ZC3H7B: variants seen among roughly 807,000 people sequenced by gnomAD.
ZC3H7B encodes the protein zinc finger CCCH-type containing 7B, also known as zinc finger CCCH domain-containing protein 7B.
ZC3H7B carries 35 observed loss-of-function variants against 116.0 expected under a neutral mutation model. The observed-to-expected ratio is 0.30, with a 90% CI of 0.23 to 0.40. The LOEUF (loss-of-function observed/expected upper bound fraction) is 0.40, where lower values mean the gene tolerates loss of function less well. Among genes scored for constraint, ZC3H7B ranks in the 10% least tolerant of loss-of-function variants. The pLI is 1.00. For synonymous variants in ZC3H7B, 502 were observed against 545.6 expected (o/e 0.92, Z 1.11); for missense variants, 1,011 against 1,321.5 (o/e 0.77, Z 3.64).
chr22:41,332,288 T>A, intron 7 of ZC3H7B, 61 bp downstream of exon 7: 1 of 1,598,414 alleles, frequency 6.3e-7, no homozygotes, highest in South Asian at 1.1e-5. Context: ...TTGGATTCAC[T>A]CTCTCCGGGT....
chr22:41,336,892 TTGGGC>T (rs1172241934), intron 7 of ZC3H7B: 3 of 150,720 alleles, frequency 2.0e-5, no homozygotes, highest in African/African-American at 7.3e-5. Context: ...TCCCAGCACT[TTGGGC>T]GGTTGAGGGA....
At chr22:41,309,007 G>GTTTTTTTTTTT (rs1446352722) in intron 1 of ZC3H7B, among the ~76,000 whole-genome samples, 1 of 93,830 alleles carries the variant, frequency 1.1e-5, no homozygotes, top group African/African-American at 3.3e-5. Context: ...CTCCCAGTCT[G>GTTTTTTTTTTT]CTTTTTTTTT....
At chr22:41,331,189 C>T (rs1243677075) in intron 6 of ZC3H7B, among the ~76,000 whole-genome samples, 3 of 145,462 alleles carry the variant, frequency 2.1e-5, no homozygotes, top group Non-Finnish European at 4.5e-5. Context: ...GCGGAGGTTG[C>T]GGTGAGCCAA....
chr22:41,341,469 C>T (rs2036521724), intron 11 of ZC3H7B, among the ~76,000 whole-genome samples: 1 of 152,188 alleles, frequency 6.6e-6, no homozygotes, highest in Non-Finnish European at 1.5e-5. Flanking sequence ...CTGGGCCGGG[C>T]GCGGTGGCTC....
chr22:41,348,006 C>A, intron 14 of ZC3H7B, 61 bp from the exon 15 acceptor site: 32 of 1,447,912 alleles, frequency 2.2e-5, no homozygotes, highest in Non-Finnish European at 3.0e-5. Context: ...TGTGTGGGGT[C>A]CCAGCTCACC....
intron 17 of ZC3H7B, among the ~76,000 whole-genome samples, chr22:41,352,483 C>T (rs753769317): frequency 4.6e-5 from 7 of 152,166 alleles, no homozygotes; most frequent in Non-Finnish European, 8.8e-5. Flanking sequence ...TTCAGAGGCC[C>T]GGCGCAGTGG....
intron 6 of ZC3H7B, among the ~76,000 whole-genome samples, chr22:41,331,798 G>C (rs527315242): frequency 1.3e-5 from 2 of 152,152 alleles, no homozygotes; most frequent in Non-Finnish European, 2.9e-5. Flanking sequence ...ATGAACCCCA[G>C]AGGTCAAGGC....
chr22:41,311,913 A>G (rs909015779), intron 1 of ZC3H7B, among the ~76,000 whole-genome samples: 2 of 152,148 alleles, frequency 1.3e-5, no homozygotes, highest in African/African-American at 4.8e-5. Context: ...CAATAGCTGC[A>G]TTGTATTCCA....
Position 41,338,700 on chromosome 22 carries a change from C to T in ZC3H7B, c.626-301C>T, listed in dbSNP as rs1321330881. Reference sequence around the variant, plus strand: ...AAAAGGTTGCCTTTTAAGAGTGTCCCCTGGAGAGGGCATTGCTTACCCCAG... The same window carrying T: ...AAAAGGTTGCCTTTTAAGAGTGTCCTCTGGAGAGGGCATTGCTTACCCCAG... On this transcript the variant is annotated intron_variant, in intron 8 of 22. Coordinates refer to ENST00000352645, the MANE Select transcript of ZC3H7B (RefSeq NM_017590.6). This position sits in a 1 kb window ranked among gnomAD's most constrained non-coding sequence, Gnocchi z 4.5. Among the ~76,000 whole-genome samples, 2 of 152,124 alleles carry T rather than the reference C, an allele frequency of 1.3e-5. No individual in the cohort carries two copies. The highest frequency in any genetic ancestry group is 1.3e-4 in the Admixed American group (2 of 15,280).
At chr22:41,313,073 T>TA (rs2145900945) in intron 1 of ZC3H7B, among the ~76,000 whole-genome samples, 1 of 151,868 alleles carries the variant, frequency 6.6e-6, no homozygotes, top group South Asian at 2.1e-4. Context: ...TTTTCTCACA[T>TA]AAAAAATGAG....
At position 41,302,538 on chromosome 22, in the gene ZC3H7B, C is replaced by G. The variant is rs9611546; in HGVS notation, c.-7+766C>G. ...GCGCCTGGGGACGGGGGCGCCCTGA[C>G]GGGGCTGGGGGCCTGGGAGCCGCCG... On this transcript the variant is annotated intron_variant, in intron 1 of 22. Transcript: ENST00000352645. This position sits in a 1 kb window ranked among gnomAD's most constrained non-coding sequence, Gnocchi z 5.7. Among the ~76,000 whole-genome samples, 39,494 of 151,994 alleles carry G rather than the reference C, an allele frequency of 0.26. 6,611 individuals carry two copies. Among genetic ancestry groups the G allele is most frequent in the Admixed American group, 0.48 (7,339 of 15,282 alleles).
At position 41,357,424 on chromosome 22, in the gene ZC3H7B, G is replaced by T; in HGVS notation, c.2929G>T (p.Glu977Ter). ...PAAAATATTG[E>*] ...TGCTGCTGCCACCGCCACCACTGGG[G>T]AGTAGGGCCAGGTGTTGGCCGTGGG... is the stretch of plus-strand genomic sequence containing the variant. The change falls in exon 23 of 23, where the codon GAG (glutamate) becomes TAG (stop). Residue 977 changes from glutamate to a stop codon, truncating the protein, a stop_gained. Transcript: ENST00000352645. LOFTEE classifies it high-confidence loss of function. The surrounding 1 kb of genome is among the most constrained non-coding windows in gnomAD (Gnocchi z 5.4). The T allele has an allele frequency of 1.3e-6, 2 of 1,559,018 alleles. No individual in the cohort carries two copies. The highest frequency in any genetic ancestry group is 1.7e-6 in the Non-Finnish European group (2 of 1,145,854).
At chr22:41,329,995 C>T in intron 5 of ZC3H7B, 28 bp from the exon 6 acceptor site, 1 of 1,612,358 alleles carries the variant, frequency 6.2e-7, no homozygotes. Flanking sequence ...GCAGACTGAC[C>T]CACCGCCCTG....
At chr22:41,315,988 G>GT (rs1314952922) in intron 1 of ZC3H7B, among the ~76,000 whole-genome samples, 7,193 of 142,014 alleles carry the variant, frequency 0.051, 433 homozygotes, top group African/African-American at 0.15. Context: ...TATCCAAATA[G>GT]TTTTTTTTTT....
At chr22:41,344,142 A>T (rs916053599) in intron 13 of ZC3H7B, among the ~76,000 whole-genome samples, 44 of 152,158 alleles carry the variant, frequency 2.9e-4, no homozygotes, top group African/African-American at 9.9e-4. Context: ...AATAGTCACG[A>T]ATTGCTAAGG....
rs1292303152 is a variant in ZC3H7B, at chr22:41,358,495, G to A, written c.*1066G>A. The A allele has an allele frequency of 6.6e-6, 1 of 152,464 alleles. No homozygotes were observed. The highest frequency in any genetic ancestry group is 1.5e-5 in the Non-Finnish European group (1 of 68,190). 9.4% of individuals were successfully genotyped at this position (152,464 alleles called of 1,614,324 possible). On this transcript the variant is annotated 3_prime_UTR_variant, in exon 23 of 23. Coordinates refer to ENST00000352645, the MANE Select transcript of ZC3H7B (RefSeq NM_017590.6). ...CATGAGCTCAGGATCTGTGTGAGGT[G>A]TGGGAGGTGGGAAGGGTGAGGGTCT...
Position 41,358,047 on chromosome 22 carries a change from C to T in ZC3H7B, c.*618C>T, listed in dbSNP as rs1435104523. 1 of 154,594 alleles carries T rather than the reference C, an allele frequency of 6.5e-6. No individual in the cohort carries two copies. The highest frequency in any genetic ancestry group is 1.4e-5 in the Non-Finnish European group (1 of 69,640). The allele number at this position is 154,594 out of a possible 1,614,324, so 9.6% of individuals were successfully genotyped here. A position where few individuals can be genotyped will look rare whatever the true frequency, so the allele number is the denominator to read the frequency against. On this transcript the variant is annotated 3_prime_UTR_variant, in exon 23 of 23. Transcript: ENST00000352645. Reference sequence around the variant, plus strand: ...CCAGCCCTTTCTCTGATGCCACCACCTGAACCCTGCTCCCTCGTGGGCCAG... The same window carrying T: ...CCAGCCCTTTCTCTGATGCCACCACTTGAACCCTGCTCCCTCGTGGGCCAG...
chr22:41,350,389 G>C (rs528889077), intron 16 of ZC3H7B, among the ~76,000 whole-genome samples: 4 of 152,290 alleles, frequency 2.6e-5, no homozygotes, highest in Admixed American at 1.3e-4. Context: ...GGAGTTATAT[G>C]ATCTGATCAG....
chr22:41,351,710 G>A lies in ZC3H7B; in HGVS notation c.2034+64G>A. ...TGAATTGTCCCCAAATTACAAACAG[G>A]AAGGCTCTAATTTTACAATAGAGAA... On this transcript the variant is annotated intron_variant, in intron 17 of 22. Transcript: ENST00000352645. The surrounding 1 kb of genome is among the most constrained non-coding windows in gnomAD (Gnocchi z 5.1). 2 of 1,515,498 alleles carry A rather than the reference G, an allele frequency of 1.3e-6. No homozygotes were observed. The highest frequency in any genetic ancestry group is 1.7e-4 in the Middle Eastern group (1 of 5,718). 93.9% of individuals were successfully genotyped at this position (1,515,498 alleles called of 1,614,324 possible). A position where few individuals can be genotyped will look rare whatever the true frequency, so the allele number is the denominator to read the frequency against.
Sources: allele counts gnomAD v4.1 joint callset (sites outside exome capture counted in the v4.1 genomes callset), GRCh38; gene constraint gnomAD v4.1.1; non-coding constraint Gnocchi (gnomAD v3.1); transcripts MANE v1.5; gene names NCBI Gene and HGNC (gene_info 2026-07-23, HGNC 2026-07-21).